The following NEMP2 variants were observed in gnomAD, a reference collection of about 807,000 sequenced individuals.
The protein encoded by NEMP2 is UPF0571 transmembrane protein.
A neutral mutation model predicts 54.2 loss-of-function variants in NEMP2; 53 were observed. The ratio of observed to expected loss-of-function variants is 0.98; its 90% CI spans 0.78 to 1.23. The LOEUF (loss-of-function observed/expected upper bound fraction) is 1.23, where lower values mean the gene tolerates loss of function less well. Among genes scored for constraint, NEMP2 ranks in the 50% most tolerant of loss-of-function variants. NEMP2 has a pLI of 0.00. For synonymous variants in NEMP2, 197 were observed against 190.3 expected, an observed-to-expected ratio of 1.04 and a Z score of -0.29; for missense variants, 455 against 511.3, an observed-to-expected ratio of 0.89 and a Z score of 1.06.
chr2:190,645,936 T>C, the NEMP2 span, among the ~76,000 whole-genome samples: 4 of 152,256 alleles, frequency 2.6e-5, no homozygotes, highest in South Asian at 2.1e-4. Context: ...TTCACTGTTT[T>C]ATAGCAAAGC....
chr2:190,618,072 T>G, the NEMP2 span, among the ~76,000 whole-genome samples: 5 of 152,230 alleles, frequency 3.3e-5, no homozygotes, highest in African/African-American at 1.2e-4. Context: ...GAGAGACCTC[T>G]GAACGTATTC....
At chr2:190,598,045 G>T in the NEMP2 span, among the ~76,000 whole-genome samples, 1 of 152,086 alleles carries the variant, frequency 6.6e-6, no homozygotes. Flanking sequence ...CTTCTTCGTT[G>T]TGGGGCCATC....
the NEMP2 span, among the ~76,000 whole-genome samples, chr2:190,578,883 C>T: frequency 2.0e-5 from 3 of 152,140 alleles, no homozygotes; most frequent in African/African-American, 4.8e-5. This position sits in a 1 kb window ranked among gnomAD's most constrained non-coding sequence, Gnocchi z 4.4. Context: ...TTTGTGGGAA[C>T]GGATCAGCTC....
In NEMP2 at chr2:190,522,497, G is replaced by A. The variant is rs936159056; in HGVS notation, c.213+2766C>T. Among the ~76,000 whole-genome samples the A allele has an allele frequency of 6.6e-6, 1 of 151,866 alleles. No homozygotes were observed. The highest frequency in any genetic ancestry group is 2.4e-5 in the African/African-American group (1 of 41,322). On this transcript the variant is annotated intron_variant, in intron 2 of 8. Transcript: ENST00000409150. The surrounding 1 kb of genome is among the most constrained non-coding windows in gnomAD (Gnocchi z 5.0). ...CCAAAAATAAAATTCTAACACCCCC[G>A]ACCCCGCCAACTATCTGAATGAAAC...
At chr2:190,485,130 C>CT in the NEMP2 span, among the ~76,000 whole-genome samples, 1 of 152,128 alleles carries the variant, frequency 6.6e-6, no homozygotes, top group Non-Finnish European at 1.5e-5. The surrounding 1 kb of genome is among the most constrained non-coding windows in gnomAD (Gnocchi z 5.1). Context: ...CTGGAAAATG[C>CT]TTTAATTATC....
At chr2:190,584,953 AAGAAAGAAAG>A in the NEMP2 span, among the ~76,000 whole-genome samples, 578 of 116,784 alleles carry the variant, frequency 4.9e-3, 5 homozygotes, top group African/African-American at 0.015. This position sits in a 1 kb window ranked among gnomAD's most constrained non-coding sequence, Gnocchi z 4.2. Context: ...GAAAGAAAGA[AAGAAAGAAAG>A]AGACATAATG....
In NEMP2 at chr2:190,514,768, C is replaced by T; in HGVS notation, c.728-90G>A. ...CAGAGCCTTGACTTAAAGGTAAAAACTATTAGAGAACCTTAATTTTTGTGT... is the reference window on the plus strand; with the variant it reads ...CAGAGCCTTGACTTAAAGGTAAAAATTATTAGAGAACCTTAATTTTTGTGT... On this transcript the variant is annotated intron_variant, in intron 6 of 8. Transcript: ENST00000409150. This position sits in a 1 kb window ranked among gnomAD's most constrained non-coding sequence, Gnocchi z 5.7. 1 of 1,239,306 alleles carries T rather than the reference C, an allele frequency of 8.1e-7. No homozygotes were observed. Among genetic ancestry groups the T allele is most frequent in the East Asian group, 2.5e-5 (1 of 39,272 alleles). 76.8% of individuals were successfully genotyped at this position (1,239,306 alleles called of 1,614,324 possible). A position where few individuals can be genotyped will look rare whatever the true frequency, so the allele number is the denominator to read the frequency against.
At chr2:190,564,725 A>G in the NEMP2 span, among the ~76,000 whole-genome samples, 1 of 152,240 alleles carries the variant, frequency 6.6e-6, no homozygotes, top group African/African-American at 2.4e-5. The surrounding 1 kb of genome is among the most constrained non-coding windows in gnomAD (Gnocchi z 4.2). Context: ...CAACTGCCAC[A>G]TGGTGATAGA....
At chr2:190,607,126 G>C in the NEMP2 span, among the ~76,000 whole-genome samples, 1 of 152,188 alleles carries the variant, frequency 6.6e-6, no homozygotes. The surrounding 1 kb of genome is among the most constrained non-coding windows in gnomAD (Gnocchi z 5.2). Context: ...GTTCACGAGG[G>C]CTGGAATCAG....
rs575094534 is a variant in NEMP2, at chr2:190,504,965, C to CAAAG, written c.*4220_*4223dup. The CAAAG allele has an allele frequency of 1.3e-5, 2 of 152,218 alleles. No homozygotes were observed. The highest frequency in any genetic ancestry group is 4.8e-5 in the African/African-American group (2 of 41,540). The allele number at this position is 152,218 out of a possible 1,614,324, so 9.4% of individuals were successfully genotyped here. ...CTTATATTCTGTATGTCTTTTCTTT[C>CAAAG]AAAGATTATTTCATTTTTCTAATAA... On this transcript the variant is annotated 3_prime_UTR_variant, in exon 9 of 9. Transcript: ENST00000409150. This position sits in a 1 kb window ranked among gnomAD's most constrained non-coding sequence, Gnocchi z 5.6.
the NEMP2 span, among the ~76,000 whole-genome samples, chr2:190,448,518 A>G: frequency 6.6e-6 from 1 of 152,234 alleles, no homozygotes; most frequent in South Asian, 2.1e-4. Flanking sequence ...CCAACATGGA[A>G]AGCTGTCAAC....
At chr2:190,455,171 A>G in the NEMP2 span, among the ~76,000 whole-genome samples, 3 of 152,054 alleles carry the variant, frequency 2.0e-5, no homozygotes, top group African/African-American at 4.8e-5. Context: ...AGACACTAAT[A>G]TTGGTATCAT....
At chr2:190,566,146 T>C in the NEMP2 span, among the ~76,000 whole-genome samples, 1 of 152,188 alleles carries the variant, frequency 6.6e-6, no homozygotes, top group African/African-American at 2.4e-5. Context: ...CATTGCAGTG[T>C]ATCTAATGGA....
rs1175063790 is a variant in NEMP2, at chr2:190,514,406, T to C, written c.953+47A>G. ...CAAACACTCTCCCAAATAATAAAAC[T>C]AGAGCTCAAAATGTCAAATTTGCTG... On this transcript the variant is annotated intron_variant, in intron 7 of 8. Coordinates refer to ENST00000409150, the MANE Select transcript of NEMP2 (RefSeq NM_001142645.2). The surrounding 1 kb of genome is among the most constrained non-coding windows in gnomAD (Gnocchi z 5.7). The C allele has an allele frequency of 6.8e-7, 1 of 1,460,006 alleles. No homozygotes were observed. The highest frequency in any genetic ancestry group is 1.4e-5 in the African/African-American group (1 of 71,276). 90.4% of individuals were successfully genotyped at this position (1,460,006 alleles called of 1,614,324 possible). A position where few individuals can be genotyped will look rare whatever the true frequency, so the allele number is the denominator to read the frequency against.
the NEMP2 span, among the ~76,000 whole-genome samples, chr2:190,455,280 TATTA>T: frequency 0.23 from 35,088 of 151,980 alleles, 4,908 homozygotes; most frequent in South Asian, 0.33. Context: ...TTCATAGCTC[TATTA>T]ATTAAATTTT....
At position 190,514,380 on chromosome 2, in the gene NEMP2, G is replaced by A. The variant is rs1220658064; in HGVS notation, c.953+73C>T. On this transcript the variant is annotated intron_variant, in intron 7 of 8. Coordinates refer to ENST00000409150, the MANE Select transcript of NEMP2 (RefSeq NM_001142645.2). The surrounding 1 kb of genome is among the most constrained non-coding windows in gnomAD (Gnocchi z 5.7). ...TAATTATGAGATTAACATGATGTGT[G>A]CAAACACTCTCCCAAATAATAAAAC... is the stretch of plus-strand genomic sequence containing the variant. The A allele has an allele frequency of 4.6e-6, 6 of 1,312,370 alleles. No homozygotes were observed. Among genetic ancestry groups the A allele is most frequent in the Non-Finnish European group, 6.4e-6 (6 of 933,192 alleles). The allele number at this position is 1,312,370 out of a possible 1,614,324, so 81.3% of individuals were successfully genotyped here.
chr2:190,486,431 T>C, the NEMP2 span, among the ~76,000 whole-genome samples: 1 of 152,250 alleles, frequency 6.6e-6, no homozygotes, highest in East Asian at 1.9e-4. Flanking sequence ...CATTCTGCCC[T>C]GGAACTCTAG....
Position 190,521,481 on chromosome 2 carries a change from A to C in NEMP2, c.214-2298T>G, listed in dbSNP as rs146743371. On this transcript the variant is annotated intron_variant, in intron 2 of 8. Transcript: ENST00000409150. This position sits in a 1 kb window ranked among gnomAD's most constrained non-coding sequence, Gnocchi z 6.2. ...GCAGCAGTTCTTCCCTCTCTACGAG[A>C]TTATTTCTCTCAGCATACAACATTT... is the stretch of plus-strand genomic sequence containing the variant. Among the ~76,000 whole-genome samples, 285 of 152,310 alleles carry C rather than the reference A, an allele frequency of 1.9e-3. 2 individuals are homozygous for C. The highest frequency in any genetic ancestry group is 6.6e-3 in the African/African-American group (276 of 41,558).
At position 190,518,747 on chromosome 2, in the gene NEMP2, C is replaced by A. The variant is rs200187690; in HGVS notation, c.507G>T (p.Arg169Ser). Residue 169 changes from arginine to serine, a missense_variant, in exon 4 of 9, where the codon AGG (arginine) becomes AGT (serine). Coordinates refer to ENST00000409150, the MANE Select transcript of NEMP2 (RefSeq NM_001142645.2). ...VAGVFLFFYA[R>S]TLSQSPTFYY... ...AAAGGAATACTTACTGACTCAGGGT[C>A]CTTGCATAAAAGAAAAGAAAAACTC... The A allele has an allele frequency of 3.2e-6, 5 of 1,542,828 alleles. No individual in the cohort carries two copies. Among genetic ancestry groups the A allele is most frequent in the South Asian group, 2.5e-5 (2 of 81,138 alleles).
Sources: allele counts gnomAD v4.1 joint callset (sites outside exome capture counted in the v4.1 genomes callset), GRCh38; gene constraint gnomAD v4.1.1; non-coding constraint Gnocchi (gnomAD v3.1); transcripts MANE v1.5; gene names NCBI Gene and HGNC (gene_info 2026-07-23, HGNC 2026-07-21).